AHNAK: variants seen among roughly 807,000 people sequenced by gnomAD.
AHNAK encodes neuroblast differentiation-associated protein AHNAK.
In AHNAK, 23 loss-of-function variants were observed where a neutral mutation model predicts 37.8. The observed-to-expected ratio is 0.61, with a 90% CI of 0.44 to 0.86. The LOEUF is 0.86. Among genes scored for constraint, AHNAK ranks in the 40% least tolerant of loss-of-function variants. The pLI, the probability that AHNAK is intolerant of heterozygous loss-of-function variation, is 0.00. For missense variants in AHNAK, 7,411 were observed against 7,319.4 expected, an observed-to-expected ratio of 1.01 and a Z score of -0.46; for synonymous variants, 2,481 against 2,636.3, an observed-to-expected ratio of 0.94 and a Z score of 1.80.
At chr11:62,490,197 C>CTTTTTTTT (rs944550481) in intron 5 of AHNAK, among the ~76,000 whole-genome samples, 16 of 115,934 alleles carry the variant, frequency 1.4e-4, no homozygotes, top group East Asian at 2.4e-4. Context: ...TTTTCTTTTT[C>CTTTTTTTT]TTTTTTTTTT....
At chr11:62,447,908 C>A (rs1301336594) in intron 5 of AHNAK, among the ~76,000 whole-genome samples, 1 of 152,010 alleles carries the variant, frequency 6.6e-6, no homozygotes, top group Non-Finnish European at 1.5e-5. Flanking sequence ...TAAAAAATTC[C>A]AAGTTGTGAT....
intron 5 of AHNAK, among the ~76,000 whole-genome samples, chr11:62,486,255 A>G (rs983556678): frequency 6.6e-6 from 1 of 151,966 alleles, no homozygotes; most frequent in Non-Finnish European, 1.5e-5. Context: ...TGGGTGGATC[A>G]CCTGCGGTCA....
Position 62,530,790 on chromosome 11 carries a change from G to A in AHNAK, c.3627C>T (p.Val1209=). Residue 1209 remains valine (V), a synonymous_variant, in exon 5 of 5, where the codon GTC becomes GTT. Transcript: ENST00000378024. Reference sequence around the variant, plus strand: ...GCACAGACACATCCACATCCCCTTTGACTTTGGGGCCTTTCAAGTGTAAGT... The same window carrying A: ...GCACAGACACATCCACATCCCCTTTAACTTTGGGGCCTTTCAAGTGTAAGT... ...DVDLHLKGPK[V]KGDVDVSVPK... is the part of the protein sequence containing the mutation. The A allele has an allele frequency of 1.9e-6, 3 of 1,611,228 alleles. No homozygotes were observed. The highest frequency in any genetic ancestry group is 2.2e-5 in the East Asian group (1 of 44,650).
At chr11:62,479,167 C>CTT (rs33929407) in intron 5 of AHNAK, among the ~76,000 whole-genome samples, 4,545 of 116,252 alleles carry the variant, frequency 0.039, 209 homozygotes, top group Non-Finnish European at 0.044. Context: ...TTTCTTTTTT[C>CTT]TTTTTTTTTT....
chr11:62,533,533 G>T lies in AHNAK; in HGVS notation c.884C>A (p.Ser295Tyr). The T allele has an allele frequency of 6.2e-7, 1 of 1,614,126 alleles. No homozygotes were observed. Among genetic ancestry groups the T allele is most frequent in the Middle Eastern group, 1.6e-4 (1 of 6,062 alleles). Residue 295 changes from serine to tyrosine, a missense_variant, in exon 5 of 5, where the codon TCT becomes TAT. Transcript: ENST00000378024. ...GGRAVEVQGP[S>Y]LESGDHGKIK... ...TTTGCCATGATCACCACTCTCCAGAGATGGGCCCTGTACCTCTACTGCCCT... is the reference window on the plus strand; with the variant it reads ...TTTGCCATGATCACCACTCTCCAGATATGGGCCCTGTACCTCTACTGCCCT...
chr11:62,526,341 C>G lies in AHNAK; in HGVS notation c.8076G>C (p.Gly2692=). ...NIEGPEGKLK[G]PKFKMPEMNI... ...TCATCTCTGGCATCTTGAACTTAGG[C>G]CCTTTCAACTTTCCCTCTGGTCCTT... The change falls in exon 5 of 5, where the codon GGG becomes GGC. Residue 2692 remains glycine (G), a synonymous_variant. Coordinates refer to ENST00000378024, the MANE Select transcript of AHNAK (RefSeq NM_001620.3). 1 of 1,612,028 alleles carries G rather than the reference C, an allele frequency of 6.2e-7. No individual in the cohort carries two copies. The highest frequency in any genetic ancestry group is 8.5e-7 in the Non-Finnish European group (1 of 1,179,486).
intron 5 of AHNAK, among the ~76,000 whole-genome samples, chr11:62,478,100 G>T (rs536851663): frequency 6.6e-6 from 1 of 152,166 alleles, no homozygotes; most frequent in Non-Finnish European, 1.5e-5. Context: ...TATCTTAAGA[G>T]CAGAGCCCCT....
rs372160298 is a variant in AHNAK at position 62,526,232 on chromosome 11, G to A, written c.8185C>T (p.Leu2729Phe). 2.5e-6 allele frequency: 4 copies of A among 1,613,798 alleles called. No homozygotes were observed. The highest frequency in any genetic ancestry group is 3.4e-6 in the Non-Finnish European group (4 of 1,179,994). Residue 2729 changes from leucine to phenylalanine, a missense_variant, in exon 5 of 5, where the codon CTT (leucine) becomes TTT (phenylalanine). Physicochemically the swap from Leu to Phe is conservative, Grantham distance 22. Coordinates refer to ENST00000378024, the MANE Select transcript of AHNAK (RefSeq NM_001620.3). The stretch of plus-strand genomic sequence containing the variant: ...TTGAGGTCACCTTCCACTTTAGGAA[G>A]GGAAACATCCACATCACCCTTCACT... ...PKVKGDVDVS[L>F]PKVEGDLKGP...
Position 62,518,123 on chromosome 11 carries a change from C to G in AHNAK, c.16294G>C (p.Glu5432Gln). Residue 5432 changes from glutamate to glutamine, a missense_variant, in exon 5 of 5, where the codon GAA becomes CAA. By Grantham distance (29) the Glu-to-Gln change is conservative. Transcript: ENST00000378024. ...ACATCCACACCTGGCCCCTTCAGTT[C>G]GCCAGAAACCTGTGGCCCCTTGGCA... ...VNAKGPQVSG[E>Q]LKGPGVDVNL... The G allele has an allele frequency of 6.2e-7, 1 of 1,614,150 alleles. No homozygotes were observed. Among genetic ancestry groups the G allele is most frequent in the South Asian group, 1.1e-5 (1 of 91,082 alleles).
chr11:62,493,609 C>T (rs909131994), intron 4 of AHNAK, among the ~76,000 whole-genome samples: 1 of 151,018 alleles, frequency 6.6e-6, no homozygotes, highest in Admixed American at 6.6e-5. Context: ...GCTAGGATTA[C>T]AGGCGTGAGC....
At chr11:62,458,940 C>T (rs1276355168) in intron 5 of AHNAK, among the ~76,000 whole-genome samples, 1 of 152,210 alleles carries the variant, frequency 6.6e-6, no homozygotes, top group African/African-American at 2.4e-5. Context: ...GCCTGTCCCA[C>T]TAAGAAAGCT....
At chr11:62,438,175 T>TTC (rs112239286) in intron 5 of AHNAK, among the ~76,000 whole-genome samples, 9,815 of 142,654 alleles carry the variant, frequency 0.069, 1,185 homozygotes, top group African/African-American at 0.25. Flanking sequence ...GTCTTTTTCT[T>TTC]TCTCTCTTTT....
At chr11:62,464,235 C>T (rs73498053) in intron 5 of AHNAK, among the ~76,000 whole-genome samples, 9,515 of 151,112 alleles carry the variant, frequency 0.063, 986 homozygotes, top group African/African-American at 0.22. Context: ...GGGGGCGGGG[C>T]GGTGTAGAGA....
Position 62,529,940 on chromosome 11 carries a change from C to A in AHNAK, c.4477G>T (p.Asp1493Tyr), listed in dbSNP as rs138245071. The change falls in exon 5 of 5, where the codon GAT becomes TAT. Residue 1493 changes from aspartate (D) to tyrosine (Y), a missense_variant. Asp to Tyr is a radical substitution (Grantham distance 160). Coordinates refer to ENST00000378024, the MANE Select transcript of AHNAK (RefSeq NM_001620.3). ...PDVDIKGPKV[D>Y]INAPDVEVHG... ...ACCTCCACATCTGGTGCATTAATAT[C>A]AACTTTGGGGCCTTTGATGTCAACA... 39 of 1,611,872 alleles carry A rather than the reference C, an allele frequency of 2.4e-5. No individual in the cohort carries two copies. In the African/African-American group the frequency reaches 4.0e-4, roughly 17 times the overall value.
In AHNAK at chr11:62,532,958, T is replaced by C; in HGVS notation, c.1459A>G (p.Lys487Glu). 6.2e-7 allele frequency: 1 copy of C among 1,614,152 alleles called. No individual in the cohort carries two copies. The highest frequency in any genetic ancestry group is 8.5e-7 in the Non-Finnish European group (1 of 1,180,026). Reference sequence around the variant, plus strand: ...ATAATCATTTCAGGAGTCTTCACTTTAGTACCTTTCATCTTTCCTTCCAGC... The same window carrying C: ...ATAATCATTTCAGGAGTCTTCACTTCAGTACCTTTCATCTTTCCTTCCAGC... ...GGLEGKMKGT[K>E]VKTPEMIIQK... Residue 487 changes from lysine (K) to glutamate (E), a missense_variant, in exon 5 of 5, where the codon AAA becomes GAA. Physicochemically the swap from Lys to Glu is moderately conservative, Grantham distance 56 (BLOSUM62 1). Coordinates refer to ENST00000378024, the MANE Select transcript of AHNAK (RefSeq NM_001620.3).
intron 4 of AHNAK, among the ~76,000 whole-genome samples, chr11:62,502,661 T>A (rs1378594225): frequency 1.3e-5 from 2 of 152,094 alleles, no homozygotes; most frequent in African/African-American, 4.8e-5. Flanking sequence ...TGAATAGTGC[T>A]AAGAACAAAA....
At chr11:62,481,793 C>A (rs148135597) in intron 5 of AHNAK, among the ~76,000 whole-genome samples, 141 of 151,512 alleles carry the variant, frequency 9.3e-4, no homozygotes, top group African/African-American at 3.1e-3. Context: ...TCTCGATCTC[C>A]TGACCTCGTG....
chr11:62,531,586 G>C lies in AHNAK; in HGVS notation c.2831C>G (p.Pro944Arg), dbSNP rs1322669455. The C allele has an allele frequency of 6.8e-6, 11 of 1,613,684 alleles. No individual in the cohort carries two copies. The highest frequency in any genetic ancestry group is 8.5e-6 in the Non-Finnish European group (10 of 1,179,970). ...FKMPEMNIKA[P>R]KISMPDVDLH... ...GTCCACATCAGGCATGGAGATCTTGGGGGCCTTGATATTCATCTCTGGCAT... is the reference window on the plus strand; with the variant it reads ...GTCCACATCAGGCATGGAGATCTTGCGGGCCTTGATATTCATCTCTGGCAT... The change falls in exon 5 of 5, where the codon CCC becomes CGC. Residue 944 changes from proline to arginine, a missense_variant. Transcript: ENST00000378024.
intron 5 of AHNAK, among the ~76,000 whole-genome samples, chr11:62,488,813 AG>A (rs1371346798): frequency 6.6e-6 from 1 of 152,084 alleles, no homozygotes; most frequent in African/African-American, 2.4e-5. Flanking sequence ...GAGCCAAAAC[AG>A]GGATGCCTGG....
Sources: gnomAD v4.1 joint callset for allele counts (sites outside exome capture counted in the v4.1 genomes callset) on GRCh38, gnomAD v4.1.1 for gene constraint, MANE v1.5 for transcripts, NCBI Gene and HGNC (gene_info 2026-07-23, HGNC 2026-07-21) for gene names.